Variants in DSCAM observed in about 807,000 individuals in gnomAD.
DSCAM encodes cell adhesion molecule DSCAM.
A neutral mutation model predicts 217.7 loss-of-function variants in DSCAM; 47 were observed. The ratio of observed to expected loss-of-function variants is 0.22; its 90% CI spans 0.17 to 0.28. The LOEUF is 0.28. Among genes scored for constraint, DSCAM ranks in the 10% least tolerant of loss-of-function variants. DSCAM has a pLI of 1.00. For missense variants in DSCAM, 2,080 were observed against 2,618.3 expected (o/e 0.79, Z 4.49); for synonymous variants, 1,056 against 1,015.3 (o/e 1.04, Z -0.76).
At chr21:40,479,197 G>A (rs1176847083) in intron 3 of DSCAM, among the ~76,000 whole-genome samples, 1 of 152,110 alleles carries the variant, frequency 6.6e-6, no homozygotes, top group Non-Finnish European at 1.5e-5. Flanking sequence ...CCAGAGACAT[G>A]GCCATGAGTA....
chr21:40,673,515 T>G (rs764480654), intron 3 of DSCAM, among the ~76,000 whole-genome samples: 1 of 152,152 alleles, frequency 6.6e-6, no homozygotes, highest in Non-Finnish European at 1.5e-5. Context: ...TGGAAGTAGT[T>G]TTTTCTAAAT....
intron 3 of DSCAM, among the ~76,000 whole-genome samples, chr21:40,405,404 G>A (rs1312640469): frequency 6.6e-6 from 1 of 152,112 alleles, no homozygotes; most frequent in East Asian, 1.9e-4. Context: ...TATGCTAAAA[G>A]TGGTCCCCAG....
rs371275381 is a variant in DSCAM at position 40,580,469 on chromosome 21, G to T, written c.508+112341C>A. Among the ~76,000 whole-genome samples the T allele has an allele frequency of 2.0e-5, 3 of 151,528 alleles. No individual in the cohort carries two copies. In the East Asian group the frequency reaches 6.0e-4, roughly 30 times the overall value. ...AATTGCTTGAACTCAAGAGGCAGAG[G>T]TTGCAGTGTGCCAAGATGGTGCCAC... On this transcript the variant is annotated intron_variant, in intron 3 of 32. Transcript: ENST00000400454.
At chr21:40,371,684 C>A (rs2074900619) in intron 3 of DSCAM, among the ~76,000 whole-genome samples, 1 of 152,104 alleles carries the variant, frequency 6.6e-6, no homozygotes, top group Non-Finnish European at 1.5e-5. Flanking sequence ...TTAAATAAGG[C>A]TTTAGGGCGT....
rs2088085388 is a variant in DSCAM, at chr21:40,012,943, A to C, written c.*91T>G. 1 of 971,138 alleles carries C rather than the reference A, an allele frequency of 1.0e-6. No individual in the cohort carries two copies. Among genetic ancestry groups the C allele is most frequent in the Non-Finnish European group, 1.4e-6 (1 of 730,476 alleles). 60.2% of individuals were successfully genotyped at this position (971,138 alleles called of 1,614,324 possible). A position where few individuals can be genotyped will look rare whatever the true frequency, so the allele number is the denominator to read the frequency against. ...TTAATATATTTTGGCAATTTTCTTT[A>C]ATTATAAATATTGGAATTCCGTAAA... is the stretch of plus-strand genomic sequence containing the variant. On this transcript the variant is annotated 3_prime_UTR_variant, in exon 33 of 33. Transcript: ENST00000400454.
At chr21:40,781,499 C>T (rs1346153032) in intron 1 of DSCAM, among the ~76,000 whole-genome samples, 1 of 152,120 alleles carries the variant, frequency 6.6e-6, no homozygotes, top group Non-Finnish European at 1.5e-5. Context: ...TTGTTTTCAA[C>T]CACACGTAGC....
chr21:40,593,934 C>T (rs187152640), intron 3 of DSCAM, among the ~76,000 whole-genome samples: 1 of 152,242 alleles, frequency 6.6e-6, no homozygotes, highest in Admixed American at 6.5e-5. Context: ...AGGTTTTAAT[C>T]GACTCCTATG....
chr21:40,681,222 G>C (rs2090397028), intron 3 of DSCAM, among the ~76,000 whole-genome samples: 1 of 152,246 alleles, frequency 6.6e-6, no homozygotes, highest in Non-Finnish European at 1.5e-5. Flanking sequence ...CCGAAAGTGA[G>C]GATCTGAAAT....
intron 3 of DSCAM, among the ~76,000 whole-genome samples, chr21:40,511,863 C>T (rs1187040803): frequency 2.6e-5 from 4 of 151,504 alleles, no homozygotes; most frequent in African/African-American, 9.7e-5. Context: ...TGGTGGCAGG[C>T]GCCTGTAGTC....
chr21:40,140,281 T>G (rs1463029307), intron 18 of DSCAM, among the ~76,000 whole-genome samples: 1 of 152,216 alleles, frequency 6.6e-6, no homozygotes, highest in African/African-American at 2.4e-5. Context: ...CTCATCACTT[T>G]GATTTTAATC....
intron 21 of DSCAM, among the ~76,000 whole-genome samples, chr21:40,089,358 G>A (rs2089575150): frequency 6.6e-6 from 1 of 152,162 alleles, no homozygotes; most frequent in South Asian, 2.1e-4. Context: ...TCTGCCTTTT[G>A]ACAAGCATCC....
intron 11 of DSCAM, among the ~76,000 whole-genome samples, chr21:40,263,980 C>A (rs1174590451): frequency 3.3e-5 from 5 of 151,986 alleles, no homozygotes; most frequent in African/African-American, 1.2e-4. Flanking sequence ...TGGAAACATA[C>A]AACCCCATAG....
intron 6 of DSCAM, among the ~76,000 whole-genome samples, chr21:40,340,121 A>G (rs2074475453): frequency 6.6e-6 from 1 of 152,196 alleles, no homozygotes; most frequent in South Asian, 2.1e-4. Context: ...GTACTTAAGC[A>G]TGTTTTAAAT....
intron 3 of DSCAM, among the ~76,000 whole-genome samples, chr21:40,496,506 T>C (rs557942263): frequency 2.3e-4 from 35 of 152,112 alleles, no homozygotes; most frequent in Non-Finnish European, 4.4e-4. Context: ...TCTCACACCA[T>C]ATACAAAAAT....
Position 40,144,581 on chromosome 21 carries a change from A to C in DSCAM, c.3169T>G (p.Phe1057Val), listed in dbSNP as rs754695465. The C allele has an allele frequency of 6.2e-7, 1 of 1,614,102 alleles. No individual in the cohort carries two copies. The highest frequency in any genetic ancestry group is 1.1e-5 in the South Asian group (1 of 91,070). The change falls in exon 17 of 33, where the codon TTC becomes GTC. Residue 1057 changes from phenylalanine to valine, a missense_variant. By Grantham distance (50) the Phe-to-Val change is conservative (BLOSUM62 -1). Transcript: ENST00000400454. This position sits in a 1 kb window ranked among gnomAD's most constrained non-coding sequence, Gnocchi z 4.8. ...EVYTLDNLNK[F>V]TQYGLVVQAC... ...TGCACCACCAGGCCGTACTGAGTGA[A>C]CTTATTCAGGTTGTCCAGGGTGTAA... is the stretch of plus-strand genomic sequence containing the variant.
intron 1 of DSCAM, among the ~76,000 whole-genome samples, chr21:40,780,417 GTGTGTGTATA>G (rs891203156): frequency 6.3e-4 from 28 of 44,380 alleles, no homozygotes; most frequent in African/African-American, 5.4e-3. Flanking sequence ...GTGTGTGTGT[GTGTGTGTATA>G]TATATATATA....
chr21:40,819,219 C>G (rs1188177142), intron 1 of DSCAM, among the ~76,000 whole-genome samples: 1 of 152,138 alleles, frequency 6.6e-6, no homozygotes, highest in Non-Finnish European at 1.5e-5. Flanking sequence ...TAATGGAGTC[C>G]AAAAGGCAGA....
rs538911451 is a variant in DSCAM, at chr21:40,404,151, A to G, written c.509-34906T>C. The stretch of plus-strand genomic sequence containing the variant: ...TCCTGTCTTCTGTGAACACAAGTTC[A>G]TGATACTGCATTTAACAATTGCCTC... On this transcript the variant is annotated intron_variant, in intron 3 of 32. Coordinates refer to ENST00000400454, the MANE Select transcript of DSCAM (RefSeq NM_001389.5). Among the ~76,000 whole-genome samples the G allele has an allele frequency of 2.6e-5, 4 of 152,330 alleles. No homozygotes were observed. The South Asian group carries it at 8.3e-4, about 32-fold the overall frequency.
intron 3 of DSCAM, among the ~76,000 whole-genome samples, chr21:40,688,241 T>C (rs1047242829): frequency 3.3e-5 from 5 of 152,334 alleles, no homozygotes; most frequent in Non-Finnish European, 5.9e-5. Context: ...TTGATGTTAA[T>C]GTAGCTAAAC....
Sources: gnomAD v4.1 joint callset for allele counts (sites outside exome capture counted in the v4.1 genomes callset) on GRCh38, gnomAD v4.1.1 for gene constraint, Gnocchi (gnomAD v3.1) non-coding constraint, MANE v1.5 for transcripts, NCBI Gene and HGNC (gene_info 2026-07-23, HGNC 2026-07-21) for gene names.